Variants in NRG1 observed in about 807,000 individuals in gnomAD.
NRG1 encodes pro-neuregulin-1, membrane-bound isoform.
NRG1 carries 18 observed loss-of-function variants against 63.8 expected under a neutral mutation model. That is an observed-to-expected ratio of 0.28 (90% CI 0.19 to 0.42). The LOEUF is 0.42. NRG1 is among the 10% of genes least tolerant of loss of function. The pLI is 1.00. For synonymous variants in NRG1, 302 were observed against 301.3 expected, an observed-to-expected ratio of 1.00 and a Z score of -0.02; for missense variants, 762 against 814.7, an observed-to-expected ratio of 0.94 and a Z score of 0.79.
chr8:31,913,407 C>A (rs1260042190), intron 1 of NRG1, among the ~76,000 whole-genome samples: 2 of 152,128 alleles, frequency 1.3e-5, no homozygotes, highest in African/African-American at 2.4e-5. Flanking sequence ...TAGAAATAAA[C>A]CCCAAATGAA....
At chr8:32,380,076 C>A (rs1810144915) in intron 1 of NRG1, among the ~76,000 whole-genome samples, 2 of 152,170 alleles carry the variant, frequency 1.3e-5, no homozygotes, top group Admixed American at 1.3e-4. Flanking sequence ...CTTTCTCACC[C>A]AAATTTATTT....
At chr8:31,655,495 GAGA>G (rs1805344451) in intron 1 of NRG1, among the ~76,000 whole-genome samples, 1 of 152,176 alleles carries the variant, frequency 6.6e-6, no homozygotes, top group Non-Finnish European at 1.5e-5. Flanking sequence ...CCTTGGGGCA[GAGA>G]AGGTGAGGAA....
chr8:32,458,782 T>G lies in NRG1; in HGVS notation c.38-137046T>G, dbSNP rs546340337. Among the ~76,000 whole-genome samples the G allele has an allele frequency of 4.6e-5, 7 of 152,344 alleles. No individual in the cohort carries two copies. The South Asian group carries it at 1.5e-3, about 32-fold the overall frequency. On this transcript the variant is annotated intron_variant, in intron 1 of 10. Transcript: ENST00000519301. ...ATTACCAAGAGGCTTACAATTATTC[T>G]GGAATTTGTGTTTGCTTATTTGTTT...
intron 1 of NRG1, among the ~76,000 whole-genome samples, chr8:31,965,724 T>C (rs1043709626): frequency 6.6e-6 from 1 of 152,206 alleles, no homozygotes; most frequent in African/African-American, 2.4e-5. Context: ...TTTGACTTTT[T>C]AATAATAGCT....
chr8:32,600,776 A>T (rs1844205011), intron 2 of NRG1, among the ~76,000 whole-genome samples: 1 of 152,126 alleles, frequency 6.6e-6, no homozygotes, highest in South Asian at 2.1e-4. Flanking sequence ...TATTTTAAAC[A>T]CTTTACACGA....
At chr8:31,953,271 G>A (rs1297197220) in intron 1 of NRG1, among the ~76,000 whole-genome samples, 1 of 152,162 alleles carries the variant, frequency 6.6e-6, no homozygotes, top group African/African-American at 2.4e-5. Context: ...GATGGATAGA[G>A]GGATAGATAA....
At chr8:32,048,591 G>A (rs557021756) in intron 1 of NRG1, among the ~76,000 whole-genome samples, 32 of 151,076 alleles carry the variant, frequency 2.1e-4, no homozygotes, top group Non-Finnish European at 4.0e-4. Context: ...CACCAGCAAT[G>A]CACAAGAGTC....
At chr8:31,948,908 G>A (rs1803038611) in intron 1 of NRG1, among the ~76,000 whole-genome samples, 1 of 152,110 alleles carries the variant, frequency 6.6e-6, no homozygotes, top group Admixed American at 6.5e-5. Flanking sequence ...TAATTCAGAG[G>A]ACTCTTCTGG....
intron 1 of NRG1, among the ~76,000 whole-genome samples, chr8:32,040,326 AT>A (rs1457635708): frequency 6.6e-6 from 1 of 152,190 alleles, no homozygotes; most frequent in Non-Finnish European, 1.5e-5. Flanking sequence ...CAAGGAATTG[AT>A]TAATCTGAAT....
intron 5 of NRG1, among the ~76,000 whole-genome samples, chr8:32,638,595 T>C (rs563657432): frequency 6.6e-6 from 1 of 152,278 alleles, no homozygotes; most frequent in East Asian, 1.9e-4. Flanking sequence ...CCCTAGTAGT[T>C]GGGATCACGG....
chr8:32,262,942 C>T (rs1850544435), intron 1 of NRG1, among the ~76,000 whole-genome samples: 1 of 152,150 alleles, frequency 6.6e-6, no homozygotes, highest in Non-Finnish European at 1.5e-5. Flanking sequence ...ACTCTTCCTC[C>T]TCATCCAGTC....
chr8:31,822,095 CTGAT>C (rs1348967379), intron 1 of NRG1, among the ~76,000 whole-genome samples: 1 of 152,168 alleles, frequency 6.6e-6, no homozygotes, highest in East Asian at 1.9e-4. Flanking sequence ...TTTCAAACCT[CTGAT>C]TGGACATGAC....
In NRG1 at chr8:32,646,634, G is replaced by T. The variant is rs530484033; in HGVS notation, c.502+29749G>T. 2.2e-5 allele frequency: 21 copies of T among 956,178 alleles called. No individual in the cohort carries two copies. In the African/African-American group the frequency reaches 3.5e-4, roughly 16 times the overall value. The allele number at this position is 956,178 out of a possible 1,614,324, so 59.2% of individuals were successfully genotyped here. A position where few individuals can be genotyped will look rare whatever the true frequency, so the allele number is the denominator to read the frequency against. ...GACCCAACAGTGGGTGAAGGAAAGA[G>T]ACTGAAAGCTGGCAAGGTGGGGGTG... On this transcript the variant is annotated intron_variant, in intron 5 of 11. Transcript: ENST00000356819.
chr8:32,094,389 G>C (rs1329772092), intron 1 of NRG1, among the ~76,000 whole-genome samples: 1 of 152,164 alleles, frequency 6.6e-6, no homozygotes. Flanking sequence ...CCAGGCTTTT[G>C]TGACATGCAG....
At chr8:31,794,764 G>T (rs541887665) in intron 1 of NRG1, among the ~76,000 whole-genome samples, 2 of 152,008 alleles carry the variant, frequency 1.3e-5, no homozygotes, top group African/African-American at 2.4e-5. Flanking sequence ...CTCAGAAAGA[G>T]ATTTATTGAG....
At chr8:32,423,050 G>A (rs1235039262) in intron 1 of NRG1, among the ~76,000 whole-genome samples, 1 of 152,196 alleles carries the variant, frequency 6.6e-6, no homozygotes, top group Non-Finnish European at 1.5e-5. Context: ...CCCCATGAAA[G>A]AGAGATTGTT....
At chr8:32,750,038 A>G (rs1048552765) in intron 7 of NRG1, 1 of 170,744 alleles carries the variant, frequency 5.9e-6, no homozygotes, top group East Asian at 1.7e-4. Flanking sequence ...CAATGTAAAA[A>G]TCATCTATTT....
intron 1 of NRG1, among the ~76,000 whole-genome samples, chr8:32,353,955 G>A (rs538566373): frequency 3.3e-5 from 5 of 152,090 alleles, no homozygotes; most frequent in East Asian, 1.9e-4. Flanking sequence ...AACAAATTGC[G>A]GCATATACAG....
intron 1 of NRG1, among the ~76,000 whole-genome samples, chr8:32,463,296 C>A (rs73577977): frequency 0.04 from 6,107 of 152,196 alleles, 161 homozygotes; most frequent in African/African-American, 0.081. Flanking sequence ...TTTATTTCAT[C>A]TCTTTTGGGC....
Sources: gnomAD v4.1 joint callset for allele counts (sites outside exome capture counted in the v4.1 genomes callset) on GRCh38, gnomAD v4.1.1 for gene constraint, MANE v1.5 for transcripts, NCBI Gene and HGNC (gene_info 2026-07-23, HGNC 2026-07-21) for gene names.